The following ARHGAP24 variants were observed in gnomAD, a reference collection of about 807,000 sequenced individuals.
The protein encoded by ARHGAP24 is rho GTPase-activating protein 24.
A neutral mutation model predicts 76.4 loss-of-function variants in ARHGAP24; 50 were observed. The observed-to-expected ratio is 0.65, with a 90% CI of 0.52 to 0.83. The LOEUF (loss-of-function observed/expected upper bound fraction) is 0.83. ARHGAP24 is among the 40% of genes least tolerant of loss of function. ARHGAP24 has a pLI of 0.00. For missense variants in ARHGAP24, 930 were observed against 914.2 expected, an observed-to-expected ratio of 1.02 and a Z score of -0.22; for synonymous variants, 345 against 323.3, an observed-to-expected ratio of 1.07 and a Z score of -0.72.
At chr4:85,513,876 G>A (rs986678808) in intron 1 of ARHGAP24, among the ~76,000 whole-genome samples, 3 of 152,048 alleles carry the variant, frequency 2.0e-5, no homozygotes, top group African/African-American at 7.2e-5. Flanking sequence ...TGTCCCAGAG[G>A]TTTCATCTAA....
At chr4:85,863,696 A>C (rs975950014) in intron 3 of ARHGAP24, among the ~76,000 whole-genome samples, 2 of 152,122 alleles carry the variant, frequency 1.3e-5, no homozygotes, top group African/African-American at 4.8e-5. Flanking sequence ...TTTTAGTGTT[A>C]ATTAAAGGGG....
intron 2 of ARHGAP24, among the ~76,000 whole-genome samples, chr4:85,662,773 G>C (rs1172946202): frequency 1.3e-5 from 2 of 152,140 alleles, no homozygotes; most frequent in Non-Finnish European, 2.9e-5. Flanking sequence ...ATTAAACAGG[G>C]AATCCTCTCC....
Position 85,923,739 on chromosome 4 carries a change from C to T in ARHGAP24, c.360C>T (p.Ile120=), listed in dbSNP as rs755010485. ...QNDMEDWVKS[I]RRVIWGPFGG... is the part of the protein sequence containing the mutation. ...ATATGGAAGACTGGGTGAAGTCAATCCGCCGAGTCATATGGGGACCTTTCG... is the reference window on the plus strand; with the variant it reads ...ATATGGAAGACTGGGTGAAGTCAATTCGCCGAGTCATATGGGGACCTTTCG... The change falls in exon 4 of 10, where the codon ATC becomes ATT. Residue 120 remains isoleucine, a synonymous_variant. Transcript: ENST00000395184. 8 of 1,613,986 alleles carry T rather than the reference C, an allele frequency of 5.0e-6. 1 individual carries two copies. The African/African-American group carries it at 5.3e-5, about 11-fold the overall frequency.
chr4:85,480,509 A>C (rs1359544805), intron 1 of ARHGAP24, among the ~76,000 whole-genome samples: 1 of 152,204 alleles, frequency 6.6e-6, no homozygotes, highest in East Asian at 1.9e-4. Flanking sequence ...TACTAAGCTA[A>C]TTAAGCTAAG....
At chr4:85,801,809 C>T (rs1357742270) in intron 3 of ARHGAP24, among the ~76,000 whole-genome samples, 2 of 152,208 alleles carry the variant, frequency 1.3e-5, no homozygotes, top group African/African-American at 4.8e-5. Flanking sequence ...ACATGGTGAA[C>T]CCATTATTAA....
chr4:85,740,900 C>T (rs541239340), intron 3 of ARHGAP24, among the ~76,000 whole-genome samples: 1 of 152,292 alleles, frequency 6.6e-6, no homozygotes, highest in South Asian at 2.1e-4. Flanking sequence ...CATAAAAAAG[C>T]AGTAATGAAA....
At chr4:85,494,748 T>C (rs1240144032) in intron 1 of ARHGAP24, among the ~76,000 whole-genome samples, 1 of 151,952 alleles carries the variant, frequency 6.6e-6, no homozygotes, top group East Asian at 1.9e-4. Flanking sequence ...GAAAATAGCC[T>C]TCTTTCAAGT....
intron 3 of ARHGAP24, among the ~76,000 whole-genome samples, chr4:85,744,787 T>C (rs192329217): frequency 6.6e-6 from 1 of 152,352 alleles, no homozygotes; most frequent in Admixed American, 6.5e-5. Context: ...GTATTGCTGC[T>C]TTTTAAAATG....
At chr4:85,792,304 C>G (rs1728166596) in intron 3 of ARHGAP24, among the ~76,000 whole-genome samples, 1 of 151,956 alleles carries the variant, frequency 6.6e-6, no homozygotes. Context: ...ATATACTGGT[C>G]CTGAAGAAAC....
intron 1 of ARHGAP24, among the ~76,000 whole-genome samples, chr4:85,483,473 G>T (rs1037387318): frequency 6.6e-6 from 1 of 152,008 alleles, no homozygotes; most frequent in Non-Finnish European, 1.5e-5. Context: ...TTATCTGGGC[G>T]TGGTGGTGCA....
At chr4:85,964,375 C>T (rs1422309250) in intron 5 of ARHGAP24, among the ~76,000 whole-genome samples, 1 of 152,016 alleles carries the variant, frequency 6.6e-6, no homozygotes, top group Non-Finnish European at 1.5e-5. Context: ...ACATGAAGTT[C>T]AAATATGTAT....
At chr4:85,750,472 A>ATT (rs1281948023) in intron 3 of ARHGAP24, among the ~76,000 whole-genome samples, 1 of 114,652 alleles carries the variant, frequency 8.7e-6, no homozygotes, top group African/African-American at 3.7e-5. Context: ...GATTAACATG[A>ATT]CTCTTTTCAT....
chr4:85,704,147 T>C (rs1014236957), intron 2 of ARHGAP24, among the ~76,000 whole-genome samples: 1 of 152,224 alleles, frequency 6.6e-6, no homozygotes, highest in African/African-American at 2.4e-5. Context: ...AATTCAATTG[T>C]ATGCATATAT....
chr4:85,551,044 G>A (rs1726116250), intron 1 of ARHGAP24, among the ~76,000 whole-genome samples: 1 of 152,128 alleles, frequency 6.6e-6, no homozygotes, highest in African/African-American at 2.4e-5. Context: ...TGATTTCTCT[G>A]ACCAAGACTT....
intron 3 of ARHGAP24, among the ~76,000 whole-genome samples, chr4:85,874,352 T>C (rs1039208292): frequency 6.6e-6 from 1 of 152,154 alleles, no homozygotes; most frequent in Admixed American, 6.6e-5. Context: ...TCCGAATTAA[T>C]CCATTGTTTT....
At chr4:85,911,267 C>A (rs1223114070) in intron 3 of ARHGAP24, among the ~76,000 whole-genome samples, 1 of 152,196 alleles carries the variant, frequency 6.6e-6, no homozygotes, top group Non-Finnish European at 1.5e-5. Flanking sequence ...TTGTACCGGG[C>A]TCCACTTGTC....
At chr4:85,675,690 GC>G (rs1722956197) in intron 2 of ARHGAP24, among the ~76,000 whole-genome samples, 1 of 152,200 alleles carries the variant, frequency 6.6e-6, no homozygotes, top group African/African-American at 2.4e-5. Flanking sequence ...CCATGTAAGG[GC>G]TTGGCGGTGA....
intron 3 of ARHGAP24, among the ~76,000 whole-genome samples, chr4:85,881,042 T>C (rs567698513): frequency 6.6e-6 from 1 of 152,298 alleles, no homozygotes; most frequent in African/African-American, 2.4e-5. Context: ...CCACCATCAC[T>C]ACTCTTGCAG....
chr4:85,949,582 G>T (rs1737481683), intron 5 of ARHGAP24, among the ~76,000 whole-genome samples: 1 of 152,150 alleles, frequency 6.6e-6, no homozygotes, highest in South Asian at 2.1e-4. Flanking sequence ...ATAGCTGATG[G>T]TTGAAACTCT....
Sources: allele counts gnomAD v4.1 joint callset (sites outside exome capture counted in the v4.1 genomes callset), GRCh38; gene constraint gnomAD v4.1.1; transcripts MANE v1.5; gene names NCBI Gene and HGNC (gene_info 2026-07-23, HGNC 2026-07-21).